The following GLT1D1 variants were observed in gnomAD, a reference collection of about 807,000 sequenced individuals.
GLT1D1 encodes glycosyltransferase 1 domain-containing protein 1.
In GLT1D1, 21 loss-of-function variants were observed where a neutral mutation model predicts 28.7. That is an observed-to-expected ratio of 0.73 (90% CI 0.52 to 1.05). The LOEUF (loss-of-function observed/expected upper bound fraction) is 1.05. Among genes scored for constraint, GLT1D1 ranks in the 50% least tolerant of loss-of-function variants. The probability of loss-of-function intolerance (pLI) is 0.00; values close to 1 mark genes in which losing one functional copy is unlikely to be tolerated. For synonymous variants in GLT1D1, 147 were observed against 124.8 expected (o/e 1.18, Z -1.19); for missense variants, 343 against 330.6 (o/e 1.04, Z -0.29).
At chr12:128,934,196 G>GTTTTTTTTTTTTTTTTTTTTTT (rs1410503648) in intron 4 of GLT1D1, among the ~76,000 whole-genome samples, 1 of 128,686 alleles carries the variant, frequency 7.8e-6, no homozygotes, top group Non-Finnish European at 1.6e-5. Flanking sequence ...CAAAGAGACA[G>GTTTTTTTTTTTTTTTTTTTTTT]TCTTTTTTTT....
chr12:128,938,601 T>C (rs1166021250), intron 4 of GLT1D1, among the ~76,000 whole-genome samples: 1 of 152,228 alleles, frequency 6.6e-6, no homozygotes, highest in Non-Finnish European at 1.5e-5. Flanking sequence ...TTATTTCAGT[T>C]AGTGTTATAA....
chr12:128,914,810 A>C (rs1871936998), intron 4 of GLT1D1, 123 bp from the exon 6 acceptor site: 1 of 711,050 alleles, frequency 1.4e-6, no homozygotes, highest in East Asian at 2.8e-5. Flanking sequence ...ACAGAGCGAG[A>C]CTCTGTCTCA....
chr12:128,917,422 C>T (rs962603365), intron 4 of GLT1D1, among the ~76,000 whole-genome samples: 1 of 152,070 alleles, frequency 6.6e-6, no homozygotes, highest in South Asian at 2.1e-4. Context: ...ATTACAGGCA[C>T]GCCCCACCAC....
chr12:128,863,909 G>A (rs963595902), intron 1 of GLT1D1, among the ~76,000 whole-genome samples: 3 of 135,236 alleles, frequency 2.2e-5, no homozygotes, highest in African/African-American at 8.6e-5. Context: ...TCGTGCCACT[G>A]CACTCCAGCC....
chr12:128,928,465 C>T (rs1873512694), intron 4 of GLT1D1, among the ~76,000 whole-genome samples: 1 of 152,126 alleles, frequency 6.6e-6, no homozygotes, highest in Non-Finnish European at 1.5e-5. Flanking sequence ...GTCCCAAGGG[C>T]TTAGGATTCA....
intron 7 of GLT1D1, among the ~76,000 whole-genome samples, chr12:128,967,939 C>T (rs1247623289): frequency 6.6e-6 from 1 of 152,198 alleles, no homozygotes; most frequent in Non-Finnish European, 1.5e-5. Context: ...AGAGGAAACT[C>T]GGGACAAAGC....
At chr12:128,947,568 C>A in intron 6 of GLT1D1, 110 bp downstream of exon 10, 3 of 1,249,170 alleles carry the variant, frequency 2.4e-6, no homozygotes, top group Admixed American at 1.8e-5. Flanking sequence ...CTTCTCAAAG[C>A]TAAAAAGGCC....
intron 4 of GLT1D1, among the ~76,000 whole-genome samples, chr12:128,928,313 G>A (rs545129766): frequency 1.6e-4 from 24 of 152,198 alleles, no homozygotes; most frequent in Admixed American, 1.5e-3. Flanking sequence ...CCGTGACTAT[G>A]GTGGCCGTGA....
chr12:128,954,288 ATTTTT>A (rs34911662), intron 6 of GLT1D1, among the ~76,000 whole-genome samples: 1 of 139,006 alleles, frequency 7.2e-6, no homozygotes, highest in Non-Finnish European at 1.5e-5. Flanking sequence ...CACCCGGCTA[ATTTTT>A]TTTTTTTTTT....
intron 4 of GLT1D1, among the ~76,000 whole-genome samples, chr12:128,941,889 GTC>G (rs1270735525): frequency 3.6e-5 from 5 of 138,328 alleles, no homozygotes; most frequent in Non-Finnish European, 6.1e-5. Context: ...ACCGTGCCTG[GTC>G]TCTCTCTCTC....
chr12:128,975,595 C>T (rs1181448428), intron 7 of GLT1D1, among the ~76,000 whole-genome samples: 3 of 152,164 alleles, frequency 2.0e-5, no homozygotes, highest in East Asian at 1.9e-4. Flanking sequence ...GGACTACAGG[C>T]GCGTGCCACC....
intron 6 of GLT1D1, among the ~76,000 whole-genome samples, chr12:128,951,788 A>G (rs1009764405): frequency 8.5e-5 from 13 of 152,222 alleles, no homozygotes; most frequent in Admixed American, 8.5e-4. Context: ...TCCTTTGTTA[A>G]AGGTACATTT....
intron 4 of GLT1D1, among the ~76,000 whole-genome samples, chr12:128,922,922 CAAAAAAAA>C (rs149775593): frequency 3.0e-4 from 29 of 97,612 alleles, no homozygotes; most frequent in African/African-American, 1.0e-3. Flanking sequence ...GACTCCATCT[CAAAAAAAA>C]AAAAAAAAAA....
At chr12:128,925,902 G>C (rs775315119) in intron 4 of GLT1D1, among the ~76,000 whole-genome samples, 3 of 152,042 alleles carry the variant, frequency 2.0e-5, no homozygotes, top group Admixed American at 1.3e-4. Flanking sequence ...ATAAAAGTAA[G>C]AGTAGGGGCG....
At chr12:128,953,815 G>A (rs982998458) in intron 6 of GLT1D1, among the ~76,000 whole-genome samples, 2 of 151,012 alleles carry the variant, frequency 1.3e-5, no homozygotes, top group African/African-American at 4.9e-5. Flanking sequence ...ACGCAATCTC[G>A]GCTCACTGCA....
chr12:128,879,445 TC>T (rs1471386899), intron 2 of GLT1D1, among the ~76,000 whole-genome samples: 3 of 125,168 alleles, frequency 2.4e-5, no homozygotes, highest in Admixed American at 8.5e-5. Flanking sequence ...TTTCTTTCTT[TC>T]TTTCTTTCTT....
At chr12:128,911,081 C>T (rs186527658) in intron 4 of GLT1D1, among the ~76,000 whole-genome samples, 7 of 152,324 alleles carry the variant, frequency 4.6e-5, no homozygotes, top group East Asian at 3.9e-4. Flanking sequence ...AGGCGCATGC[C>T]GCCACACCCG....
At chr12:128,903,205 C>A (rs946459753) in intron 4 of GLT1D1, among the ~76,000 whole-genome samples, 1 of 151,644 alleles carries the variant, frequency 6.6e-6, no homozygotes, top group Non-Finnish European at 1.5e-5. Flanking sequence ...TGCTGCTTAA[C>A]AAACCAGTTG....
chr12:128,908,341 T>TCA lies in GLT1D1; in HGVS notation c.375+9055_375+9056insAC, dbSNP rs1295059473. 1.8e-3 allele frequency among the ~76,000 whole-genome samples: 250 copies of TCA among 140,976 alleles called. 1 individual carries two copies. The highest frequency in any genetic ancestry group is 5.8e-3 in the African/African-American group (212 of 36,742). 92.5% of individuals were successfully genotyped at this position (140,976 alleles called of 152,430 possible). ...TACTTTCCTTCTTTCTTTCTTTCTT[T>TCA]CTTTCCCTTTCTTTCTTTCTTTTCT... On this transcript the variant is annotated intron_variant, in intron 4 of 7. Transcript: ENST00000281703.
Sources: allele counts gnomAD v4.1 joint callset (sites outside exome capture counted in the v4.1 genomes callset), GRCh38; gene constraint gnomAD v4.1.1; transcripts MANE v1.5; gene names NCBI Gene and HGNC (gene_info 2026-07-23, HGNC 2026-07-21).